Variants in DPF1 observed in about 807,000 individuals in gnomAD.
The protein encoded by DPF1 is zinc finger protein neuro-d4.
A neutral mutation model predicts 58.7 loss-of-function variants in DPF1; 14 were observed. That is an observed-to-expected ratio of 0.24 (90% CI 0.16 to 0.37). DPF1 has a LOEUF of 0.37. Among genes scored for constraint, DPF1 ranks in the 10% least tolerant of loss-of-function variants. The pLI, the probability that DPF1 is intolerant of heterozygous loss-of-function variation, is 1.00. For missense variants in DPF1, 345 were observed against 529.9 expected (o/e 0.65, Z 3.43); for synonymous variants, 216 against 216.0 (o/e 1.00, Z 0.00).
intron 8 of DPF1, 31 bp from the exon 9 acceptor site, chr19:38,216,290 G>C: frequency 6.2e-7 from 1 of 1,612,172 alleles, no homozygotes; most frequent in Non-Finnish European, 8.5e-7. Flanking sequence ...ATTGGCACGG[G>C]GCAGGCAAGG....
intron 9 of DPF1, among the ~76,000 whole-genome samples, chr19:38,214,324 C>T (rs1973688661): frequency 6.6e-6 from 1 of 152,240 alleles, no homozygotes; most frequent in Admixed American, 6.5e-5. Flanking sequence ...AGCCCCGCTG[C>T]AGAGACACCC....
rs2146215112 is a variant in DPF1, at chr19:38,224,180, GGGTCGGTCCTCCCAGC to G, written c.-54_-39del. On this transcript the variant is annotated 5_prime_UTR_variant, in exon 1 of 12. Coordinates refer to ENST00000355526, the MANE Select transcript of DPF1 (RefSeq NM_001135155.3). The surrounding 1 kb of genome is among the most constrained non-coding windows in gnomAD (Gnocchi z 4.5). ...GTCCTGCCCCCAGCAGGTCCCCGCC[GGGTCGGTCCTCCCAGC>G]GGTCGGGCGGGCGCTGAGGCCGCCC... 1.4e-6 allele frequency: 2 copies of G among 1,427,882 alleles called. No homozygotes were observed. The highest frequency in any genetic ancestry group is 3.2e-5 in the South Asian group (2 of 62,856). The allele number at this position is 1,427,882 out of a possible 1,614,324, so 88.5% of individuals were successfully genotyped here.
At position 38,212,036 on chromosome 19, in the gene DPF1, C is replaced by T. The variant is rs779315260; in HGVS notation, c.*27G>A. 6.2e-7 allele frequency: 1 copy of T among 1,601,890 alleles called. No homozygotes were observed. Among genetic ancestry groups the T allele is most frequent in the South Asian group, 1.1e-5 (1 of 88,962 alleles). ...GGAGAGGCAGGTAGGCGAGCACCAC[C>T]CCAGAGTCGCGGCGAGCCGAGCCGG... On this transcript the variant is annotated 3_prime_UTR_variant, in exon 12 of 12. Coordinates refer to ENST00000355526, the MANE Select transcript of DPF1 (RefSeq NM_001135155.3).
chr19:38,212,762 CA>C (rs1353921787), intron 10 of DPF1, among the ~76,000 whole-genome samples: 1 of 149,816 alleles, frequency 6.7e-6, no homozygotes, highest in African/African-American at 2.5e-5. Context: ...AGGTGTGCGC[CA>C]CCATGCACGA....
chr19:38,214,094 G>GCC (rs1414305417), intron 9 of DPF1: 1 of 243,024 alleles, frequency 4.1e-6, no homozygotes, highest in Non-Finnish European at 8.1e-6. Flanking sequence ...TGCTGAGACA[G>GCC]CCACTTTCCA....
intron 6 of DPF1, 73 bp downstream of exon 6, chr19:38,217,725 G>A (rs1247865853): frequency 6.2e-7 from 1 of 1,602,252 alleles, no homozygotes; most frequent in African/African-American, 1.3e-5. Flanking sequence ...TGGAACGGGA[G>A]GGAGAGGGCC....
In DPF1 at chr19:38,220,167, G is replaced by GA. The variant is rs1265689320; in HGVS notation, c.299-1110dup. ...CGTGCCACTGCACTCCAAACTGGGT[G>GA]AAAAAAAAAAAGAAAGGAAGAAGGA... On this transcript the variant is annotated intron_variant, in intron 3 of 11. Transcript: ENST00000355526. 3.0e-3 allele frequency among the ~76,000 whole-genome samples: 357 copies of GA among 118,268 alleles called. 2 individuals are homozygous for GA. Among genetic ancestry groups the GA allele is most frequent in the African/African-American group, 9.9e-3 (312 of 31,452 alleles). 77.6% of individuals were successfully genotyped at this position (118,268 alleles called of 152,430 possible).
intron 3 of DPF1, among the ~76,000 whole-genome samples, chr19:38,220,306 GAGAAAGAA>G (rs968998016): frequency 4.0e-5 from 4 of 99,764 alleles, no homozygotes; most frequent in Non-Finnish European, 6.7e-5. Flanking sequence ...GAGAAAGAAA[GAGAAAGAA>G]AGAAAGAAAG....
Position 38,229,363 on chromosome 19 carries a change from G to A in DPF1, c.-132+196C>T, listed in dbSNP as rs1967954213. 6.6e-6 allele frequency among the ~76,000 whole-genome samples: 1 copy of A among 151,870 alleles called. No individual in the cohort carries two copies. The highest frequency in any genetic ancestry group is 1.5e-5 in the Non-Finnish European group (1 of 67,904). ...AGCGACAAAGAAGAGGCGCCCCCGC[G>A]ACCCTGGAGGGGCTCCCGCCCCCAA... On this transcript the variant is annotated intron_variant, in intron 1 of 11. Coordinates refer to the DPF1 transcript ENST00000412732. This position sits in a 1 kb window ranked among gnomAD's most constrained non-coding sequence, Gnocchi z 5.3.
In DPF1 at chr19:38,211,910, C is replaced by A. The variant is rs1973451700; in HGVS notation, c.*153G>T. ...CCCACCCACCCACAGGGCAGACATT[C>A]CACTTGCACAGAGGGGAGGGGGTGG... On this transcript the variant is annotated 3_prime_UTR_variant, in exon 12 of 12. Transcript: ENST00000355526. This position sits in a 1 kb window ranked among gnomAD's most constrained non-coding sequence, Gnocchi z 4.0. 1 of 794,056 alleles carries A rather than the reference C, an allele frequency of 1.3e-6. No individual in the cohort carries two copies. The highest frequency in any genetic ancestry group is 2.7e-5 in the Admixed American group (1 of 37,450). 49.2% of individuals were successfully genotyped at this position (794,056 alleles called of 1,614,324 possible).
chr19:38,212,201 CG>C lies in DPF1; in HGVS notation c.1094-69del, dbSNP rs1188256464. 1.1e-4 allele frequency: 164 copies of C among 1,553,876 alleles called. 1 individual carries two copies. Among genetic ancestry groups the C allele is most frequent in the Non-Finnish European group, 8.0e-5 (92 of 1,147,004 alleles). On this transcript the variant is annotated intron_variant, in intron 11 of 11. Coordinates refer to ENST00000355526, the MANE Select transcript of DPF1 (RefSeq NM_001135155.3). ...GGGCTGCCCCAGCCCCTTCCCACCC[CG>C]AGGACACACAGTCTTCCACAACCAG...
intron 10 of DPF1, among the ~76,000 whole-genome samples, chr19:38,213,096 T>C (rs1230325677): frequency 6.6e-6 from 1 of 151,662 alleles, no homozygotes; most frequent in Non-Finnish European, 1.5e-5. Flanking sequence ...CAAGCCATTC[T>C]CCTGCCTCAG....
At chr19:38,224,552 G>A (rs1202026261), upstream of DPF1, among the ~76,000 whole-genome samples, 1 of 152,056 alleles carries the variant, frequency 6.6e-6, no homozygotes, top group Non-Finnish European at 1.5e-5. The surrounding 1 kb of genome is among the most constrained non-coding windows in gnomAD (Gnocchi z 4.5). Flanking sequence ...GACTCACACA[G>A]CCACACGCAC....
Position 38,229,559 on chromosome 19 carries a change from G to C in DPF1, c.-132C>G. 8.4e-7 allele frequency: 1 copy of C among 1,189,584 alleles called. No individual in the cohort carries two copies. Among genetic ancestry groups the C allele is most frequent in the Non-Finnish European group, 1.0e-6 (1 of 961,010 alleles). The allele number at this position is 1,189,584 out of a possible 1,614,324, so 73.7% of individuals were successfully genotyped here. ...GGGCGGGGACGGCAGGGACACTCAC[G>C]ACTTGAGCGGGTTCTGAATGGCGGT... On this transcript the variant is annotated splice_region_variant and 5_prime_UTR_variant, in exon 1 of 12. Coordinates refer to the DPF1 transcript ENST00000412732. The surrounding 1 kb of genome is among the most constrained non-coding windows in gnomAD (Gnocchi z 5.3).
At chr19:38,218,535 T>C (rs780430565) in intron 5 of DPF1, 38 bp downstream of exon 5, 1 of 1,602,394 alleles carries the variant, frequency 6.2e-7, no homozygotes, top group Non-Finnish European at 8.5e-7. Flanking sequence ...GACCTGTCAT[T>C]GAGGGGAGCG....
chr19:38,215,112 T>C (rs1356709315), intron 9 of DPF1, among the ~76,000 whole-genome samples: 1 of 151,426 alleles, frequency 6.6e-6, no homozygotes, highest in Non-Finnish European at 1.5e-5. Flanking sequence ...GGATTACAGA[T>C]GTGAGCCACA....
chr19:38,214,004 G>T (rs969238325), intron 9 of DPF1: 1 of 517,660 alleles, frequency 1.9e-6, no homozygotes, highest in East Asian at 3.1e-5. Flanking sequence ...CATGGCAACC[G>T]CATTCCATTA....
chr19:38,228,883 C>T (rs1156601465), upstream of DPF1, among the ~76,000 whole-genome samples: 3 of 151,816 alleles, frequency 2.0e-5, no homozygotes, highest in East Asian at 1.9e-4. Context: ...AGGGCGCTCC[C>T]GGCACCCCCT....
chr19:38,213,845 C>A, intron 9 of DPF1, 89 bp from the exon 10 acceptor site: 4 of 1,125,532 alleles, frequency 3.6e-6, no homozygotes, highest in Non-Finnish European at 5.1e-6. Flanking sequence ...TCAGCCCCTA[C>A]CCCTGGCTCA....
Sources: allele counts gnomAD v4.1 joint callset (sites outside exome capture counted in the v4.1 genomes callset), GRCh38; gene constraint gnomAD v4.1.1; non-coding constraint Gnocchi (gnomAD v3.1); transcripts MANE v1.5; gene names NCBI Gene and HGNC (gene_info 2026-07-23, HGNC 2026-07-21).